PLEKHA7: variants seen among roughly 807,000 people sequenced by gnomAD.
PLEKHA7 encodes the protein pleckstrin homology domain-containing family A member 7.
Under a neutral mutation model 170.0 loss-of-function variants are expected in PLEKHA7, and 104 were observed. That is an observed-to-expected ratio of 0.61 (90% CI 0.52 to 0.72). The LOEUF is 0.72. Ranked by LOEUF, PLEKHA7 falls within the 30% of genes least tolerant of loss-of-function variation. The pLI is 0.00. For missense variants in PLEKHA7, 1,615 were observed against 1,671.7 expected (o/e 0.97, Z 0.59); for synonymous variants, 648 against 660.8 (o/e 0.98, Z 0.30).
intron 3 of PLEKHA7, among the ~76,000 whole-genome samples, chr11:16,944,521 A>AG (rs938690551): frequency 1.3e-5 from 2 of 148,254 alleles, no homozygotes; most frequent in African/African-American, 5.1e-5. Context: ...CAAAAAAAAA[A>AG]AAAAATTAAA....
chr11:16,794,731 G>C lies in PLEKHA7; in HGVS notation c.2519-17C>G. 6 of 1,610,468 alleles carry C rather than the reference G, an allele frequency of 3.7e-6. No individual in the cohort carries two copies. The highest frequency in any genetic ancestry group is 3.4e-6 in the Non-Finnish European group (4 of 1,176,914). ...TTTTTCTCTCTAAGGGGCATAGAAG[G>C]AAACAAAGCACGGGATGGAACAAAG... On this transcript the variant is annotated splice_polypyrimidine_tract_variant and intron_variant, in intron 18 of 26. Transcript: ENST00000531066.
intron 9 of PLEKHA7, among the ~76,000 whole-genome samples, chr11:16,833,440 T>C (rs890984548): frequency 5.3e-5 from 8 of 152,138 alleles, no homozygotes; most frequent in African/African-American, 1.9e-4. Flanking sequence ...GAAGAATCCT[T>C]CTCTCTTTCT....
Position 16,979,535 on chromosome 11 carries a change from A to T in PLEKHA7, c.221+34454T>A, listed in dbSNP as rs1220441816. Among the ~76,000 whole-genome samples the T allele has an allele frequency of 2.0e-5, 3 of 152,280 alleles. No homozygotes were observed. The East Asian group carries it at 5.8e-4, about 29-fold the overall frequency. Reference sequence around the variant, plus strand: ...GCTCTCCTGAATATTAAACCCAATAATAGGGGAACTGAGGTGGCATAAACC... The same window carrying T: ...GCTCTCCTGAATATTAAACCCAATATTAGGGGAACTGAGGTGGCATAAACC... On this transcript the variant is annotated intron_variant, in intron 3 of 26. Coordinates refer to ENST00000531066, the MANE Select transcript of PLEKHA7 (RefSeq NM_001329630.2).
intron 26 of PLEKHA7, 48 bp downstream of exon 26, chr11:16,782,706 G>A (rs1244882791): frequency 1.3e-6 from 2 of 1,531,108 alleles, no homozygotes; most frequent in Admixed American, 2.0e-5. Flanking sequence ...AAGCCCACAG[G>A]TGCAGTGGGG....
intron 4 of PLEKHA7, among the ~76,000 whole-genome samples, chr11:16,857,282 T>G (rs2135487521): frequency 6.6e-6 from 1 of 152,314 alleles, no homozygotes; most frequent in East Asian, 1.9e-4. Flanking sequence ...CCCAAAGGGC[T>G]GGGCCCTGTC....
At chr11:16,918,327 G>T (rs1858840293) in intron 3 of PLEKHA7, among the ~76,000 whole-genome samples, 1 of 152,150 alleles carries the variant, frequency 6.6e-6, no homozygotes, top group South Asian at 2.1e-4. Flanking sequence ...ATTTCCACTT[G>T]AGCCTGGTAC....
At chr11:16,796,506 G>A (rs1333286994) in intron 17 of PLEKHA7, among the ~76,000 whole-genome samples, 3 of 152,158 alleles carry the variant, frequency 2.0e-5, no homozygotes, top group African/African-American at 7.2e-5. Context: ...AAGGGCAGAG[G>A]GGACGCTGGG....
At chr11:16,853,372 G>A (rs925581157) in intron 6 of PLEKHA7, among the ~76,000 whole-genome samples, 9 of 152,286 alleles carry the variant, frequency 5.9e-5, no homozygotes, top group Admixed American at 5.9e-4. Context: ...CTATTTATCT[G>A]TTTCATCTTC....
intron 3 of PLEKHA7, among the ~76,000 whole-genome samples, chr11:16,919,057 C>T (rs1281468476): frequency 2.0e-5 from 3 of 151,974 alleles, no homozygotes; most frequent in African/African-American, 7.2e-5. Context: ...CTAAAAAATA[C>T]AAAAAAATTA....
chr11:16,899,329 C>T (rs941894063), intron 3 of PLEKHA7, among the ~76,000 whole-genome samples: 2 of 152,130 alleles, frequency 1.3e-5, no homozygotes, highest in African/African-American at 4.8e-5. Flanking sequence ...AAACCCCCGT[C>T]TCTACTAAAA....
intron 3 of PLEKHA7, among the ~76,000 whole-genome samples, chr11:17,000,686 G>T (rs4757480): frequency 0.99 from 150,665 of 152,332 alleles, 74,532 homozygotes; most frequent in East Asian, 1. Context: ...GCATGTACAA[G>T]TTGCCAGATA....
chr11:16,991,188 T>C (rs2136953117), intron 3 of PLEKHA7, among the ~76,000 whole-genome samples: 1 of 152,030 alleles, frequency 6.6e-6, no homozygotes, highest in African/African-American at 2.4e-5. Context: ...GAGGGACCTC[T>C]CAGCAGCTGA....
At chr11:16,863,496 G>A (rs1350547503) in intron 4 of PLEKHA7, among the ~76,000 whole-genome samples, 2 of 152,032 alleles carry the variant, frequency 1.3e-5, no homozygotes, top group Non-Finnish European at 2.9e-5. Context: ...CACACAAGCG[G>A]GCCCCTGAAC....
At chr11:16,979,456 C>T (rs1383101517) in intron 3 of PLEKHA7, among the ~76,000 whole-genome samples, 2 of 152,150 alleles carry the variant, frequency 1.3e-5, no homozygotes, top group Admixed American at 6.5e-5. Context: ...ATCTGAGGCC[C>T]ACCTTGCTCA....
intron 3 of PLEKHA7, among the ~76,000 whole-genome samples, chr11:16,899,327 G>A (rs1040343312): frequency 6.6e-5 from 10 of 152,062 alleles, no homozygotes; most frequent in Admixed American, 3.9e-4. Flanking sequence ...AGAAACCCCC[G>A]TCTCTACTAA....
chr11:16,991,852 G>T (rs1396548484), intron 3 of PLEKHA7, among the ~76,000 whole-genome samples: 2 of 152,198 alleles, frequency 1.3e-5, no homozygotes. Context: ...AGACCAATTA[G>T]GAGGGAACTG....
chr11:16,845,956 A>G (rs565890906), intron 8 of PLEKHA7, among the ~76,000 whole-genome samples: 1 of 152,310 alleles, frequency 6.6e-6, no homozygotes, highest in African/African-American at 2.4e-5. Context: ...TCTCAAGTTT[A>G]CAACTTGCAG....
At chr11:16,958,212 G>A (rs1861828215) in intron 3 of PLEKHA7, among the ~76,000 whole-genome samples, 1 of 152,056 alleles carries the variant, frequency 6.6e-6, no homozygotes, top group Non-Finnish European at 1.5e-5. Context: ...ACGTACTCAG[G>A]AGGCTAAGGT....
chr11:16,865,530 C>G (rs1247570553), intron 4 of PLEKHA7, among the ~76,000 whole-genome samples: 1 of 152,002 alleles, frequency 6.6e-6, no homozygotes, highest in Non-Finnish European at 1.5e-5. Context: ...TCAAGACCAG[C>G]CTGGGCAACA....
Sources: allele counts gnomAD v4.1 joint callset (sites outside exome capture counted in the v4.1 genomes callset), GRCh38; gene constraint gnomAD v4.1.1; transcripts MANE v1.5; gene names NCBI Gene and HGNC (gene_info 2026-07-23, HGNC 2026-07-21).